ARHGAP39: variants seen among roughly 807,000 people sequenced by gnomAD.
The protein encoded by ARHGAP39 is Rho GTPase activating protein 39.
In ARHGAP39, 44 loss-of-function variants were observed where a neutral mutation model predicts 106.9. The ratio of observed to expected loss-of-function variants is 0.41; its 90% CI spans 0.32 to 0.53. ARHGAP39 has a LOEUF of 0.53. ARHGAP39 is among the 20% of genes least tolerant of loss of function. The pLI, the probability that ARHGAP39 is intolerant of heterozygous loss-of-function variation, is 0.21. For missense variants in ARHGAP39, 1,496 were observed against 1,577.3 expected, an observed-to-expected ratio of 0.95 and a Z score of 0.87; for synonymous variants, 768 against 693.2, an observed-to-expected ratio of 1.11 and a Z score of -1.69.
chr8:144,621,822 GAAATA>G (rs1282377721), intron 1 of ARHGAP39, among the ~76,000 whole-genome samples: 3 of 152,118 alleles, frequency 2.0e-5, no homozygotes, highest in Non-Finnish European at 4.4e-5. Flanking sequence ...CCCTGTCTCA[GAAATA>G]AAATAAAACA....
At chr8:144,626,862 C>A (rs958816621) in intron 1 of ARHGAP39, among the ~76,000 whole-genome samples, 1 of 152,226 alleles carries the variant, frequency 6.6e-6, no homozygotes, top group African/African-American at 2.4e-5. Flanking sequence ...CCCCAGATGT[C>A]TGGCCCCAAG....
At chr8:144,691,866 C>T in the ARHGAP39 span, among the ~76,000 whole-genome samples, 3 of 151,240 alleles carry the variant, frequency 2.0e-5, no homozygotes, top group African/African-American at 4.9e-5. Context: ...GGCGGGGTGG[C>T]GGGGAGGGGA....
At chr8:144,696,772 T>G in the ARHGAP39 span, among the ~76,000 whole-genome samples, 4 of 152,324 alleles carry the variant, frequency 2.6e-5, no homozygotes, top group East Asian at 7.7e-4. Flanking sequence ...TCTCCAGAAC[T>G]CTTTAACTGT....
the ARHGAP39 span, among the ~76,000 whole-genome samples, chr8:144,692,580 G>A: frequency 2.0e-5 from 3 of 152,084 alleles, no homozygotes; most frequent in Non-Finnish European, 4.4e-5. Context: ...CTCAATGGGG[G>A]CTGTGGACCG....
At position 144,561,437 on chromosome 8, in the gene ARHGAP39, G is replaced by T. The variant is rs368527088; in HGVS notation, c.513-5794C>A. ...GTGGTTTCCATCACACTCCAGTGGT[G>T]TCCATCACACTCCAGTGGTTTCCAT... is the stretch of plus-strand genomic sequence containing the variant. On this transcript the variant is annotated intron_variant, in intron 3 of 11. Transcript: ENST00000377307. Among the ~76,000 whole-genome samples, 862 of 122,714 alleles carry T rather than the reference G, an allele frequency of 7.0e-3. 8 individuals carry two copies. Among genetic ancestry groups the T allele is most frequent in the African/African-American group, 0.024 (750 of 31,172 alleles). The allele number at this position is 122,714 out of a possible 152,430, so 80.5% of individuals were successfully genotyped here. A position where few individuals can be genotyped will look rare whatever the true frequency, so the allele number is the denominator to read the frequency against.
chr8:144,648,436 T>C (rs773295955), intron 1 of ARHGAP39, among the ~76,000 whole-genome samples: 2 of 152,206 alleles, frequency 1.3e-5, no homozygotes, highest in African/African-American at 2.4e-5. Flanking sequence ...TTGTATCCAA[T>C]TGCAGCACTC....
Position 144,547,614 on chromosome 8 carries a change from G to C in ARHGAP39, c.1472C>G (p.Thr491Arg), listed in dbSNP as rs1394532233. The C allele has an allele frequency of 4.7e-6, 7 of 1,491,530 alleles. No homozygotes were observed. Among genetic ancestry groups the C allele is most frequent in the Middle Eastern group, 1.7e-4 (1 of 5,724 alleles). 92.4% of individuals were successfully genotyped at this position (1,491,530 alleles called of 1,614,324 possible). A position where few individuals can be genotyped will look rare whatever the true frequency, so the allele number is the denominator to read the frequency against. ...TLSSTGYSPG[T>R]RKRKSRKPSL... ...GGGCTTTCTGCTCTTCCGCTTGCGC[G>C]TGCCCGGGGAGTAGCCTGTGGAGGA... Residue 491 changes from threonine (T) to arginine (R), a missense_variant, in exon 5 of 12, where the codon ACG becomes AGG. Around this residue, in one of 4 missense-constraint regions of ARHGAP39, gnomAD observed 905 missense variants for 816.4 expected, o/e 1.11. Transcript: ENST00000377307. The surrounding 1 kb of genome is among the most constrained non-coding windows in gnomAD (Gnocchi z 5.2).
intron 1 of ARHGAP39, among the ~76,000 whole-genome samples, chr8:144,626,531 C>T (rs1164397500): frequency 1.7e-5 from 2 of 118,876 alleles, no homozygotes; most frequent in Non-Finnish European, 3.4e-5. Flanking sequence ...CTGCACACTG[C>T]GGCAGCCCCT....
Position 144,591,316 on chromosome 8 carries a change from G to A in ARHGAP39, c.81-10039C>T, listed in dbSNP as rs1018991306. ...CTGCTGGGACATTGAAAAGGACAAC[G>A]GCAGATGCAGCAGCCTCAGGGCACC... On this transcript the variant is annotated intron_variant, in intron 2 of 11. Transcript: ENST00000377307. The surrounding 1 kb of genome is among the most constrained non-coding windows in gnomAD (Gnocchi z 5.3). Among the ~76,000 whole-genome samples the A allele has an allele frequency of 2.6e-5, 4 of 152,198 alleles. No individual in the cohort carries two copies. The highest frequency in any genetic ancestry group is 2.1e-4 in the South Asian group (1 of 4,830).
At chr8:144,573,773 T>C (rs941698503) in intron 3 of ARHGAP39, among the ~76,000 whole-genome samples, 4 of 151,934 alleles carry the variant, frequency 2.6e-5, no homozygotes, top group Non-Finnish European at 5.9e-5. Flanking sequence ...CTCAAAAAAA[T>C]AAAAAAATTA....
rs1216315038 is a variant in ARHGAP39 at position 144,548,579 on chromosome 8, C to T, written c.597-90G>A. On this transcript the variant is annotated intron_variant, in intron 4 of 11. Coordinates refer to ENST00000377307, the MANE Select transcript of ARHGAP39 (RefSeq NM_025251.3). The surrounding 1 kb of genome is among the most constrained non-coding windows in gnomAD (Gnocchi z 7.4). ...CTCGGGGGCTGTAGGCAGCGGCTCC[C>T]GCGAACCCTCTGTTGTACACCTTCC... 3 of 1,476,272 alleles carry T rather than the reference C, an allele frequency of 2.0e-6. No individual in the cohort carries two copies. Among genetic ancestry groups the T allele is most frequent in the African/African-American group, 2.8e-5 (2 of 71,796 alleles). 91.4% of individuals were successfully genotyped at this position (1,476,272 alleles called of 1,614,324 possible).
chr8:144,588,619 G>A (rs1405174033), intron 2 of ARHGAP39, among the ~76,000 whole-genome samples: 1 of 152,254 alleles, frequency 6.6e-6, no homozygotes, highest in Non-Finnish European at 1.5e-5. Context: ...CGAAGGGGAA[G>A]GTAAGACCCA....
chr8:144,532,350 C>T lies in ARHGAP39; in HGVS notation c.2935G>A (p.Asp979Asn), dbSNP rs1391289035. 1 of 1,612,728 alleles carries T rather than the reference C, an allele frequency of 6.2e-7. No individual in the cohort carries two copies. ...DEVNALKLQV[D>N]QWKVPTGLED... is the part of the protein sequence containing the mutation. The stretch of plus-strand genomic sequence containing the variant: ...AGGCCTGTGGGCACCTTCCACTGGT[C>T]CACCTGCAGCTTCAGGGCATTCACC... Residue 979 changes from aspartate to asparagine, a missense_variant, in exon 10 of 12, where the codon GAC becomes AAC. By Grantham distance (23) the Asp-to-Asn change is conservative. This residue lies in a region of ARHGAP39 where 470 missense variants were observed against 605.1 expected (regional missense o/e 0.78). Transcript: ENST00000377307.
intron 1 of ARHGAP39, among the ~76,000 whole-genome samples, chr8:144,654,528 A>G (rs1181148430): frequency 6.6e-6 from 1 of 152,170 alleles, no homozygotes; most frequent in African/African-American, 2.4e-5. Context: ...AATTTGATGA[A>G]AACTGTTGCT....
At chr8:144,635,254 A>G (rs532269349) in intron 1 of ARHGAP39, among the ~76,000 whole-genome samples, 4 of 152,344 alleles carry the variant, frequency 2.6e-5, no homozygotes, top group Non-Finnish European at 4.4e-5. Flanking sequence ...TGCACTCCCC[A>G]TGGGGGGAGG....
chr8:144,605,746 C>T, intron 1 of ARHGAP39, 51 bp from the exon 2 acceptor site: 2 of 845,430 alleles, frequency 2.4e-6, no homozygotes, highest in South Asian at 3.1e-5. Flanking sequence ...CCTCACCACA[C>T]CAATCACCCG....
intron 3 of ARHGAP39, among the ~76,000 whole-genome samples, chr8:144,557,235 C>T (rs1817964475): frequency 6.8e-6 from 1 of 147,284 alleles, no homozygotes; most frequent in East Asian, 2.0e-4. Flanking sequence ...TCGTAGTATT[C>T]AGAGGCAAAG....
intron 1 of ARHGAP39, among the ~76,000 whole-genome samples, chr8:144,617,484 C>T (rs1043796275): frequency 4.6e-5 from 7 of 151,826 alleles, no homozygotes; most frequent in Admixed American, 1.3e-4. Flanking sequence ...CACCCAGCGC[C>T]GCAAACCAGG....
rs560073231 is a variant in ARHGAP39 at position 144,646,885 on chromosome 8, T to C, written c.-82+38801A>G. 1.1e-4 allele frequency among the ~76,000 whole-genome samples: 17 copies of C among 151,330 alleles called. 3 individuals carry two copies. In the South Asian group the frequency reaches 3.6e-3, roughly 32 times the overall value. On this transcript the variant is annotated intron_variant, in intron 1 of 11. Transcript: ENST00000377307. This position sits in a 1 kb window ranked among gnomAD's most constrained non-coding sequence, Gnocchi z 5.7. ...ACCAGACACGCCCAGAGGGCCCCAGTGCCCTGTGGTTGGGGTGGTGTTTCC... is the reference window on the plus strand; with the variant it reads ...ACCAGACACGCCCAGAGGGCCCCAGCGCCCTGTGGTTGGGGTGGTGTTTCC...
Sources: gnomAD v4.1 joint callset for allele counts (sites outside exome capture counted in the v4.1 genomes callset) on GRCh38, gnomAD v4.1.1 for gene constraint, gnomAD v4.1.1 regional missense constraint, Gnocchi (gnomAD v3.1) non-coding constraint, MANE v1.5 for transcripts, NCBI Gene and HGNC (gene_info 2026-07-23, HGNC 2026-07-21) for gene names.